PACS2: variants seen among roughly 807,000 people sequenced by gnomAD.
PACS2 encodes phosphofurin acidic cluster sorting protein 2.
Under a neutral mutation model 113.0 loss-of-function variants are expected in PACS2, and 36 were observed. The ratio of observed to expected loss-of-function variants is 0.32; its 90% CI spans 0.24 to 0.42. PACS2 has a LOEUF of 0.42. Among genes scored for constraint, PACS2 ranks in the 10% least tolerant of loss-of-function variants. The pLI, the probability that PACS2 is intolerant of heterozygous loss-of-function variation, is 1.00. For missense variants in PACS2, 1,015 were observed against 1,239.5 expected (o/e 0.82, Z 2.72); for synonymous variants, 589 against 536.1 (o/e 1.10, Z -1.36).
chr14:105,343,722 G>C (rs2059819032), intron 1 of PACS2, among the ~76,000 whole-genome samples: 1 of 148,842 alleles, frequency 6.7e-6, no homozygotes, highest in South Asian at 2.1e-4. Flanking sequence ...TTGAGATGGA[G>C]TCTTGCTCTG....
intron 4 of PACS2, among the ~76,000 whole-genome samples, chr14:105,361,537 T>C (rs587715614): frequency 6.6e-6 from 1 of 152,334 alleles, no homozygotes; most frequent in South Asian, 2.1e-4. Flanking sequence ...CTCAGTAGGC[T>C]GAGACAGAAG....
chr14:105,351,433 C>G (rs2060175482), intron 2 of PACS2, among the ~76,000 whole-genome samples: 2 of 152,186 alleles, frequency 1.3e-5, no homozygotes, highest in African/African-American at 4.8e-5. Context: ...GCACCTACAT[C>G]TAGGCTTCTA....
intron 1 of PACS2, among the ~76,000 whole-genome samples, chr14:105,318,166 A>G (rs187363651): frequency 2.5e-4 from 38 of 152,292 alleles, no homozygotes; most frequent in Middle Eastern, 6.8e-3. Flanking sequence ...TTGTTGTTGC[A>G]GAGACAGGGT....
Position 105,315,986 on chromosome 14 carries a change from C to A in PACS2, c.119+949C>A, listed in dbSNP as rs1427332169. Among the ~76,000 whole-genome samples the A allele has an allele frequency of 2.0e-5, 3 of 152,168 alleles. No homozygotes were observed. The highest frequency in any genetic ancestry group is 7.2e-5 in the African/African-American group (3 of 41,438). Reference sequence around the variant, plus strand: ...GTGGCCAGTATGCCTGGAGGGGACCCCACGTGGCATTGAGTTGTTCCACCC... The same window carrying A: ...GTGGCCAGTATGCCTGGAGGGGACCACACGTGGCATTGAGTTGTTCCACCC... On this transcript the variant is annotated intron_variant, in intron 1 of 24. Coordinates refer to ENST00000447393, the MANE Select transcript of PACS2 (RefSeq NM_001100913.3). This position sits in a 1 kb window ranked among gnomAD's most constrained non-coding sequence, Gnocchi z 4.4.
rs1566936338 is a variant in PACS2 at position 105,357,649 on chromosome 14, GC to G, written c.423+2473del. 6.6e-6 allele frequency among the ~76,000 whole-genome samples: 1 copy of G among 152,194 alleles called. No homozygotes were observed. Among genetic ancestry groups the G allele is most frequent in the Non-Finnish European group, 1.5e-5 (1 of 68,046 alleles). On this transcript the variant is annotated intron_variant, in intron 4 of 24. Coordinates refer to ENST00000447393, the MANE Select transcript of PACS2 (RefSeq NM_001100913.3). This position sits in a 1 kb window ranked among gnomAD's most constrained non-coding sequence, Gnocchi z 5.1. ...CGTTGCTGGCTTGTTGAGAGTATGAGCACGGGAGATTGCGGAGGCGGGACAG... is the reference window on the plus strand; with the variant it reads ...CGTTGCTGGCTTGTTGAGAGTATGAGACGGGAGATTGCGGAGGCGGGACAG...
chr14:105,391,529 C>A, intron 21 of PACS2, 102 bp from the exon 22 acceptor site: 1 of 878,298 alleles, frequency 1.1e-6, no homozygotes, highest in Admixed American at 2.5e-5. Context: ...CTGCCCACCC[C>A]CAGGAGCTGC....
Position 105,367,364 on chromosome 14 carries a change from C to A in PACS2, c.575C>A (p.Ala192Asp), listed in dbSNP as rs1555408212. 2.5e-6 allele frequency: 4 copies of A among 1,613,224 alleles called. No homozygotes were observed. The highest frequency in any genetic ancestry group is 3.4e-6 in the Non-Finnish European group (4 of 1,179,942). ...AGCACCATGCAGGCCGGCCCCAAGG[C>A]CAAGTCCACGGGTGAGTGTGGTGCC... ...EDSTMQAGPK[A>D]KSTDNYSEEE... Residue 192 changes from alanine to aspartate, a missense_variant, in exon 5 of 25, where the codon GCC becomes GAC. By Grantham distance (126) the Ala-to-Asp change is moderately radical. This residue lies in a region of PACS2 where 859 missense variants were observed against 1,056.8 expected (regional missense o/e 0.81). Coordinates refer to ENST00000447393, the MANE Select transcript of PACS2 (RefSeq NM_001100913.3).
At chr14:105,318,649 T>G (rs1362997577) in intron 1 of PACS2, among the ~76,000 whole-genome samples, 1 of 148,556 alleles carries the variant, frequency 6.7e-6, no homozygotes, top group Non-Finnish European at 1.5e-5. Context: ...ATTTATTTAT[T>G]TATTTTTATT....
chr14:105,363,986 G>C (rs1184448303), intron 4 of PACS2, among the ~76,000 whole-genome samples: 1 of 152,146 alleles, frequency 6.6e-6, no homozygotes, highest in African/African-American at 2.4e-5. Context: ...CACACCTACT[G>C]ATTAAGTTCA....
chr14:105,300,826 G>T, exon 1 of PACS2: 1 of 202,368 alleles, frequency 4.9e-6, no homozygotes, highest in Non-Finnish European at 9.3e-6. Flanking sequence ...CCGCGCCCGC[G>T]GGATGGGACA....
upstream of PACS2, among the ~76,000 whole-genome samples, chr14:105,309,776 CTTTTTTTTT>C (rs928875653): frequency 7.8e-5 from 7 of 89,234 alleles, no homozygotes; most frequent in South Asian, 3.9e-4. The surrounding 1 kb of genome is among the most constrained non-coding windows in gnomAD (Gnocchi z 4.0). Context: ...TGATGTGTGT[CTTTTTTTTT>C]TTTTTTTTTT....
At chr14:105,380,631 C>T (rs1401086112) in intron 11 of PACS2, among the ~76,000 whole-genome samples, 1 of 152,186 alleles carries the variant, frequency 6.6e-6, no homozygotes, top group East Asian at 1.9e-4. Flanking sequence ...CGGACTCCCC[C>T]CACCCTCAGG....
chr14:105,381,464 T>C (rs2080992005), intron 12 of PACS2, among the ~76,000 whole-genome samples: 1 of 152,246 alleles, frequency 6.6e-6, no homozygotes, highest in African/African-American at 2.4e-5. Flanking sequence ...TTGGGACTTT[T>C]TCCAAAGCAG....
chr14:105,337,196 G>T lies in PACS2; in HGVS notation c.120-11297G>T, dbSNP rs587608176. The stretch of plus-strand genomic sequence containing the variant: ...AGTCACAGGAGGACATGCACTGTAT[G>T]ATCCCATTTGTGTCAGGTCCCTAGA... On this transcript the variant is annotated intron_variant, in intron 1 of 24. Coordinates refer to ENST00000447393, the MANE Select transcript of PACS2 (RefSeq NM_001100913.3). Among the ~76,000 whole-genome samples the T allele has an allele frequency of 2.0e-5, 3 of 152,370 alleles. No individual in the cohort carries two copies. In the South Asian group the frequency reaches 6.2e-4, roughly 32 times the overall value.
chr14:105,332,285 G>A (rs2059330714), intron 1 of PACS2, among the ~76,000 whole-genome samples: 1 of 152,190 alleles, frequency 6.6e-6, no homozygotes, highest in Admixed American at 6.5e-5. Flanking sequence ...CACTGGCGCT[G>A]GGAAGCACAG....
chr14:105,362,365 C>A (rs1302154915), intron 4 of PACS2, among the ~76,000 whole-genome samples: 1 of 147,240 alleles, frequency 6.8e-6, no homozygotes, highest in Non-Finnish European at 1.5e-5. Flanking sequence ...TGCAGTGAGC[C>A]GAGATCGCGC....
At position 105,375,256 on chromosome 14, in the gene PACS2, G is replaced by C. The variant is rs587616553; in HGVS notation, c.802-1512G>C. Reference sequence around the variant, plus strand: ...GAACTTTGGGAGGCCGAGGCGGGTGGATTACAAGGTCAAGAGATCAAGACC... The same window carrying C: ...GAACTTTGGGAGGCCGAGGCGGGTGCATTACAAGGTCAAGAGATCAAGACC... On this transcript the variant is annotated intron_variant, in intron 8 of 24. Coordinates refer to ENST00000447393, the MANE Select transcript of PACS2 (RefSeq NM_001100913.3). 6.6e-5 allele frequency among the ~76,000 whole-genome samples: 10 copies of C among 152,258 alleles called. No individual in the cohort carries two copies. In the South Asian group the frequency reaches 1.5e-3, roughly 22 times the overall value.
At chr14:105,377,042 C>T (rs2080809264) in intron 9 of PACS2, 117 bp downstream of exon 9, 2 of 1,116,148 alleles carry the variant, frequency 1.8e-6, no homozygotes, top group Non-Finnish European at 2.5e-6. Flanking sequence ...GGGCCAGCTG[C>T]CTCGAAGCCT....
chr14:105,393,775 G>C (rs1402336405), intron 24 of PACS2, among the ~76,000 whole-genome samples: 1 of 151,992 alleles, frequency 6.6e-6, no homozygotes, highest in Non-Finnish European at 1.5e-5. Context: ...ATTTTTAGTA[G>C]AGATGGGGTT....
Sources: gnomAD v4.1 joint callset for allele counts (sites outside exome capture counted in the v4.1 genomes callset) on GRCh38, gnomAD v4.1.1 for gene constraint, gnomAD v4.1.1 regional missense constraint, Gnocchi (gnomAD v3.1) non-coding constraint, MANE v1.5 for transcripts, NCBI Gene and HGNC (gene_info 2026-07-23, HGNC 2026-07-21) for gene names.